AHNAK2: variants seen among roughly 807,000 people sequenced by gnomAD.
AHNAK2 encodes protein AHNAK2.
A neutral mutation model predicts 30.7 loss-of-function variants in AHNAK2; 18 were observed. The ratio of observed to expected loss-of-function variants is 0.59; its 90% confidence interval spans 0.41 to 0.87. The LOEUF (loss-of-function observed/expected upper bound fraction) is 0.87. AHNAK2 is among the 40% of genes least tolerant of loss of function. AHNAK2 has a pLI of 0.00. For synonymous variants in AHNAK2, 3,590 were observed against 3,073.8 expected (o/e 1.17, Z -5.56); for missense variants, 8,604 against 7,373.0 (o/e 1.17, Z -6.11).
Position 104,946,940 on chromosome 14 carries a change from A to G in AHNAK2, c.8511T>C (p.Asp2837=). Residue 2837 remains aspartate, a synonymous_variant, in exon 7 of 7, where the codon GAT becomes GAC. Transcript: ENST00000333244. ...APGKSIEASV[D]VSELKVEADG... ...CAGCTTCCACCTTCAGCTCAGACACATCCACCGAGGCCTCGATGGACTTGC... is the reference window on the plus strand; with the variant it reads ...CAGCTTCCACCTTCAGCTCAGACACGTCCACCGAGGCCTCGATGGACTTGC... 7 of 1,612,238 alleles carry G rather than the reference A, an allele frequency of 4.3e-6. No homozygotes were observed. Among genetic ancestry groups the G allele is most frequent in the Non-Finnish European group, 5.9e-6 (7 of 1,179,582 alleles).
chr14:104,943,915 G>A lies in AHNAK2; in HGVS notation c.11536C>T (p.Leu3846Phe), dbSNP rs1595395121. 2 of 1,613,188 alleles carry A rather than the reference G, an allele frequency of 1.2e-6. No individual in the cohort carries two copies. The highest frequency in any genetic ancestry group is 1.7e-6 in the Non-Finnish European group (2 of 1,179,600). ...DVSLPSMQGD[L>F]KTTDLSIQPH... ...TGAATGCTGAGGTCAGTGGTCTTGA[G>A]GTCCCCCTGCATGGAGGGGAGACTC... The change falls in exon 7 of 7, where the codon CTC (leucine) becomes TTC (phenylalanine). Residue 3846 changes from leucine (L) to phenylalanine (F), a missense_variant. Transcript: ENST00000333244.
At chr14:104,965,931 G>A (rs911874127) in intron 1 of AHNAK2, among the ~76,000 whole-genome samples, 1 of 152,196 alleles carries the variant, frequency 6.6e-6, no homozygotes, top group African/African-American at 2.4e-5. Context: ...CTGGGCTACA[G>A]ACACTGCTCC....
Position 104,973,904 on chromosome 14 carries a change from C to T in AHNAK2, c.55+4279G>A, listed in dbSNP as rs141742927. 8.4e-3 allele frequency among the ~76,000 whole-genome samples: 1,280 copies of T among 152,260 alleles called. 6 individuals carry two copies. The highest frequency in any genetic ancestry group is 0.024 in the Middle Eastern group (7 of 294). On this transcript the variant is annotated intron_variant, in intron 1 of 6. Coordinates refer to ENST00000333244, the MANE Select transcript of AHNAK2 (RefSeq NM_138420.4). ...CCCGCAGCCGGAGGGGAGGGGAGGG[C>T]GGTGGCTGCAAAAACCTCTGCCTGG... is the stretch of plus-strand genomic sequence containing the variant.
rs770130408 is a variant in AHNAK2 at position 104,944,567 on chromosome 14, G to A, written c.10884C>T (p.Asp3628=). 25 of 1,611,496 alleles carry A rather than the reference G, an allele frequency of 1.6e-5. No individual in the cohort carries two copies. The Admixed American group carries it at 2.5e-4, about 16-fold the overall frequency. Residue 3628 remains aspartate (D), a synonymous_variant, in exon 7 of 7, where the codon GAC becomes GAT. Coordinates refer to ENST00000333244, the MANE Select transcript of AHNAK2 (RefSeq NM_138420.4). ...GRLEGDLSLA[D]KDVTAKDSKF... ...TGCTGTCTTTGGCAGTCACGTCCTT[G>A]TCAGCCAGGGACAGGTCTCCCTCCA... is the stretch of plus-strand genomic sequence containing the variant.
Position 104,943,519 on chromosome 14 carries a change from A to G in AHNAK2, c.11932T>C (p.Phe3978Leu). Residue 3978 changes from phenylalanine to leucine, a missense_variant, in exon 7 of 7, where the codon TTC (phenylalanine) becomes CTC (leucine). Coordinates refer to ENST00000333244, the MANE Select transcript of AHNAK2 (RefSeq NM_138420.4). ...FKMPKFKMPS[F>L]GVSAPGKSME... ...GACTTGCCTGGGGCAGACACCCCGA[A>G]CGACGGCATCTTGAACTTGGGCATT... 1 of 1,612,760 alleles carries G rather than the reference A, an allele frequency of 6.2e-7. No individual in the cohort carries two copies. Among genetic ancestry groups the G allele is most frequent in the Non-Finnish European group, 8.5e-7 (1 of 1,179,468 alleles).
At chr14:104,976,818 G>A (rs764867502) in intron 1 of AHNAK2, among the ~76,000 whole-genome samples, 1 of 152,190 alleles carries the variant, frequency 6.6e-6, no homozygotes, top group Non-Finnish European at 1.5e-5. Flanking sequence ...GGAAGCTGGG[G>A]GCAGGGTAGT....
intron 1 of AHNAK2, among the ~76,000 whole-genome samples, chr14:104,960,826 T>C (rs1899113400): frequency 1.3e-5 from 2 of 152,262 alleles, no homozygotes; most frequent in South Asian, 4.1e-4. Context: ...AAGAAAAAGG[T>C]AATTAACTGT....
At chr14:104,961,319 CCTGG>C (rs1420661656) in intron 1 of AHNAK2, among the ~76,000 whole-genome samples, 2 of 151,516 alleles carry the variant, frequency 1.3e-5, no homozygotes, top group Non-Finnish European at 2.9e-5. Flanking sequence ...TCAAAACCAT[CCTGG>C]CTAACACAGT....
At position 104,961,252 on chromosome 14, in the gene AHNAK2, C is replaced by T. The variant is rs536078733; in HGVS notation, c.56-3580G>A. Among the ~76,000 whole-genome samples, 45 of 152,066 alleles carry T rather than the reference C, an allele frequency of 3.0e-4. 1 individual carries two copies. The highest frequency in any genetic ancestry group is 1.6e-3 in the Admixed American group (25 of 15,286). On this transcript the variant is annotated intron_variant, in intron 1 of 6. Coordinates refer to ENST00000333244, the MANE Select transcript of AHNAK2 (RefSeq NM_138420.4). ...GTTGTGGGCCGGGCACGGTGGCTCA[C>T]GCCTGTAATCCCAGCACTTTGGGAG...
chr14:104,937,405 G>A lies in AHNAK2; in HGVS notation c.*658C>T, dbSNP rs563222475. 1 of 152,502 alleles carries A rather than the reference G, an allele frequency of 6.6e-6. No homozygotes were observed. Among genetic ancestry groups the A allele is most frequent in the East Asian group, 1.9e-4 (1 of 5,188 alleles). 9.4% of individuals were successfully genotyped at this position (152,502 alleles called of 1,614,324 possible). On this transcript the variant is annotated 3_prime_UTR_variant, in exon 7 of 7. Transcript: ENST00000333244. ...CACTGGCGGATGCTGGCAGGCCAGTGGACATGGATAGATGAGAATGACAAC... is the reference window on the plus strand; with the variant it reads ...CACTGGCGGATGCTGGCAGGCCAGTAGACATGGATAGATGAGAATGACAAC...
Position 104,953,169 on chromosome 14 carries a change from A to G in AHNAK2, c.2282T>C (p.Val761Ala). Residue 761 changes from valine (V) to alanine (A), a missense_variant, in exon 7 of 7, where the codon GTG (valine) becomes GCG (alanine). Transcript: ENST00000333244. Reference sequence around the variant, plus strand: ...GGGCATCTTCAAACTGGGCCTCTGCACCTTGGGCAGGTGCCCTTTGAGGCT... The same window carrying G: ...GGGCATCTTCAAACTGGGCCTCTGCGCCTTGGGCAGGTGCCCTTTGAGGCT... Reference protein sequence around the residue: ...GASLKGHLPKVQRPSLKMPKV... With the variant: ...GASLKGHLPKAQRPSLKMPKV... 1 of 1,612,828 alleles carries G rather than the reference A, an allele frequency of 6.2e-7. No homozygotes were observed. Among genetic ancestry groups the G allele is most frequent in the Non-Finnish European group, 8.5e-7 (1 of 1,179,580 alleles).
Position 104,947,608 on chromosome 14 carries a change from C to G in AHNAK2, c.7843G>C (p.Glu2615Gln). 2 of 1,613,250 alleles carry G rather than the reference C, an allele frequency of 1.2e-6. No homozygotes were observed. The highest frequency in any genetic ancestry group is 2.2e-5 in the East Asian group (1 of 44,796). The change falls in exon 7 of 7, where the codon GAG (glutamate) becomes CAG (glutamine). Residue 2615 changes from glutamate (E) to glutamine (Q), a missense_variant. Coordinates refer to ENST00000333244, the MANE Select transcript of AHNAK2 (RefSeq NM_138420.4). ...GCTCTCGGGGCCTGGACGTCCACCT[C>G]CATGCTGGACAGAGACATCTCCACA... ...PDVEMSLSSM[E>Q]VDVQAPRAKL... is the part of the protein sequence containing the mutation.
chr14:104,976,591 C>A (rs929411273), intron 1 of AHNAK2, among the ~76,000 whole-genome samples: 1 of 152,218 alleles, frequency 6.6e-6, no homozygotes, highest in African/African-American at 2.4e-5. Flanking sequence ...AAGTCTCCTA[C>A]CAAAGCTCCA....
rs1471045054 is a variant in AHNAK2 at position 104,942,714 on chromosome 14, T to C, written c.12737A>G (p.Lys4246Arg). 6.2e-7 allele frequency: 1 copy of C among 1,613,264 alleles called. No homozygotes were observed. Among genetic ancestry groups the C allele is most frequent in the African/African-American group, 1.3e-5 (1 of 74,886 alleles). ...VDVKGPKLDL[K>R]GPKADVMTPV... ...GGTCATCACATCCGCCTTGGGGCCT[T>C]TCAGGTCCAGCTTGGGGCCCTTGAC... The change falls in exon 7 of 7, where the codon AAA becomes AGA. Residue 4246 changes from lysine (K) to arginine (R), a missense_variant. Transcript: ENST00000333244.
At chr14:104,956,299 A>G (rs573136190) in intron 4 of AHNAK2, among the ~76,000 whole-genome samples, 1 of 152,174 alleles carries the variant, frequency 6.6e-6, no homozygotes, top group South Asian at 2.1e-4. Flanking sequence ...CATTGCACGG[A>G]GGAGAAAATC....
At chr14:104,970,343 C>A in intron 1 of AHNAK2, 1 of 875,604 alleles carries the variant, frequency 1.1e-6, no homozygotes, top group Non-Finnish European at 1.4e-6. Context: ...TCGGGGGATG[C>A]CTAGCCCAGC....
Position 104,954,356 on chromosome 14 carries a change from G to C in AHNAK2, c.1095C>G (p.Ser365Arg). ...VLEELGPWGDSLEETGAATGS... is the reference protein window; with the variant it reads ...VLEELGPWGDRLEETGAATGS... ...CTGTGGCAGCCCCAGTCTCCTCGAG[G>C]CTATCACCCCAGGGCCCCAACTCTT... Residue 365 changes from serine to arginine, a missense_variant, in exon 7 of 7, where the codon AGC becomes AGG. Physicochemically the swap from Ser to Arg is moderately radical, Grantham distance 110 (BLOSUM62 -1). Transcript: ENST00000333244. This position sits in a 1 kb window ranked among gnomAD's most constrained non-coding sequence, Gnocchi z 4.3. 6.2e-7 allele frequency: 1 copy of C among 1,613,322 alleles called. No individual in the cohort carries two copies. The highest frequency in any genetic ancestry group is 1.6e-4 in the Middle Eastern group (1 of 6,062).
At chr14:104,970,205 C>G (rs903043144) in intron 1 of AHNAK2, among the ~76,000 whole-genome samples, 2 of 152,180 alleles carry the variant, frequency 1.3e-5, no homozygotes, top group Non-Finnish European at 2.9e-5. Flanking sequence ...TGGGCTCCGC[C>G]GGCACCCCAG....
At chr14:104,976,689 T>TGAA (rs1221147065) in intron 1 of AHNAK2, among the ~76,000 whole-genome samples, 1 of 152,132 alleles carries the variant, frequency 6.6e-6, no homozygotes, top group Non-Finnish European at 1.5e-5. Context: ...CTGGGAACCA[T>TGAA]GAAGCCAGCA....
Sources: gnomAD v4.1 joint callset for allele counts (sites outside exome capture counted in the v4.1 genomes callset) on GRCh38, gnomAD v4.1.1 for gene constraint, Gnocchi (gnomAD v3.1) non-coding constraint, MANE v1.5 for transcripts, NCBI Gene and HGNC (gene_info 2026-07-23, HGNC 2026-07-21) for gene names.